The following C4orf36 variants were observed in gnomAD, a reference collection of about 807,000 sequenced individuals.
The protein encoded by C4orf36 is chromosome 4 open reading frame 36, also known as uncharacterized protein C4orf36.
In C4orf36, 11 loss-of-function variants were observed where a neutral mutation model predicts 12.2. The ratio of observed to expected loss-of-function variants is 0.90; its 90% CI spans 0.57 to 1.49. The LOEUF (loss-of-function observed/expected upper bound fraction) is 1.49, where lower values mean the gene tolerates loss of function less well. Among genes scored for constraint, C4orf36 ranks in the 40% most tolerant of loss-of-function variants. The pLI, the probability that C4orf36 is intolerant of heterozygous loss-of-function variation, is 0.00. For missense variants in C4orf36, 137 were observed against 133.9 expected, an observed-to-expected ratio of 1.02 and a Z score of -0.11; for synonymous variants, 54 against 51.3, an observed-to-expected ratio of 1.05 and a Z score of -0.22.
At chr4:86,919,766 G>A in the C4orf36 span, among the ~76,000 whole-genome samples, 1 of 152,110 alleles carries the variant, frequency 6.6e-6, no homozygotes, top group African/African-American at 2.4e-5. Flanking sequence ...TGGGTGTGGT[G>A]GCTAACAACT....
intron 2 of C4orf36, among the ~76,000 whole-genome samples, chr4:86,889,667 G>A (rs1487385895): frequency 6.6e-6 from 1 of 151,870 alleles, no homozygotes; most frequent in Non-Finnish European, 1.5e-5. Context: ...ACTTTGGGAG[G>A]CAGAGGCAGA....
chr4:86,921,399 T>C, the C4orf36 span, among the ~76,000 whole-genome samples: 1 of 152,200 alleles, frequency 6.6e-6, no homozygotes, highest in Non-Finnish European at 1.5e-5. Context: ...CAGAAGGTCA[T>C]AAATATCAAC....
chr4:86,885,252 G>C lies in C4orf36; in HGVS notation c.*2+2506C>G, dbSNP rs11930589. ...CTGTGAAGAAAGTCATTGGTAGCTT[G>C]ATGGGGATGGCATTGAATCTATAAA... On this transcript the variant is annotated intron_variant, in intron 4 of 4. Transcript: ENST00000295898. 2.5e-3 allele frequency among the ~76,000 whole-genome samples: 383 copies of C among 152,298 alleles called. 7 individuals carry two copies. The highest frequency in any genetic ancestry group is 8.8e-3 in the African/African-American group (364 of 41,562).
At chr4:86,893,625 A>T (rs556488633), upstream of C4orf36, among the ~76,000 whole-genome samples, 12 of 151,826 alleles carry the variant, frequency 7.9e-5, no homozygotes, top group South Asian at 2.5e-3. Context: ...TCCATCTGAC[A>T]AGCAACTTCT....
chr4:86,903,230 G>A, the C4orf36 span, among the ~76,000 whole-genome samples: 1 of 152,230 alleles, frequency 6.6e-6, no homozygotes. Context: ...TAAGTGGCCA[G>A]GCCCGGTGGC....
At chr4:86,918,574 A>C in the C4orf36 span, among the ~76,000 whole-genome samples, 144,867 of 152,270 alleles carry the variant, frequency 0.95, 69,215 homozygotes, top group Non-Finnish European at 1. Context: ...GATGAGGATA[A>C]CACCTGACCA....
chr4:86,921,424 C>G, the C4orf36 span, among the ~76,000 whole-genome samples: 2 of 152,256 alleles, frequency 1.3e-5, no homozygotes, highest in South Asian at 4.1e-4. Context: ...GTCTCGTCAT[C>G]AGTTAAAAAA....
At chr4:86,905,379 GAAATAAAT>G in the C4orf36 span, among the ~76,000 whole-genome samples, 1 of 150,902 alleles carries the variant, frequency 6.6e-6, no homozygotes, top group South Asian at 2.1e-4. Context: ...ACTCCATCTC[GAAATAAAT>G]AAATAAATAA....
At chr4:86,887,635 G>C in intron 4 of C4orf36, 123 bp downstream of exon 4, 1 of 1,150,414 alleles carries the variant, frequency 8.7e-7, no homozygotes, top group South Asian at 1.5e-5. Flanking sequence ...ACAGCTGTGG[G>C]CAGTGGCCCA....
the C4orf36 span, chr4:86,934,455 T>A: frequency 6.6e-6 from 1 of 152,198 alleles, no homozygotes; most frequent in African/African-American, 2.4e-5. Context: ...CCATGCCACT[T>A]AGTAGCCTGT....
At chr4:86,922,307 A>C in the C4orf36 span, among the ~76,000 whole-genome samples, 1 of 152,260 alleles carries the variant, frequency 6.6e-6, no homozygotes, top group African/African-American at 2.4e-5. Flanking sequence ...AGGAAAAGAA[A>C]ACCAGGGAGT....
At chr4:86,882,600 C>T (rs192043469) in intron 4 of C4orf36, among the ~76,000 whole-genome samples, 6 of 152,304 alleles carry the variant, frequency 3.9e-5, no homozygotes, top group Non-Finnish European at 7.3e-5. Context: ...ACTAACCTTA[C>T]AAACCTTCTT....
chr4:86,894,338 C>CGT (rs942077135), upstream of C4orf36, among the ~76,000 whole-genome samples: 2 of 152,052 alleles, frequency 1.3e-5, no homozygotes, highest in African/African-American at 4.8e-5. Context: ...TATACACATA[C>CGT]GTGTGTGTGT....
At chr4:86,877,655 G>A (rs1746957988) in intron 4 of C4orf36, among the ~76,000 whole-genome samples, 9 of 152,144 alleles carry the variant, frequency 5.9e-5, no homozygotes. Flanking sequence ...CTGACACAAA[G>A]TGCTCTTCAT....
chr4:86,881,080 G>C (rs1166930030), intron 4 of C4orf36, among the ~76,000 whole-genome samples: 3 of 150,464 alleles, frequency 2.0e-5, no homozygotes, highest in African/African-American at 7.3e-5. Flanking sequence ...AAATTCTATA[G>C]TATTGTAAGT....
At chr4:86,882,211 G>T (rs967389091) in intron 4 of C4orf36, among the ~76,000 whole-genome samples, 7 of 152,162 alleles carry the variant, frequency 4.6e-5, no homozygotes, top group African/African-American at 1.7e-4. Flanking sequence ...CTGGAAGCAG[G>T]ACTCTTCTCT....
the C4orf36 span, chr4:86,913,587 T>A: frequency 1.5e-6 from 2 of 1,308,968 alleles, no homozygotes; most frequent in Admixed American, 1.8e-5. Context: ...ACCACTCTGT[T>A]CTCTGAGACA....
At chr4:86,889,414 C>A (rs1747307024) in intron 2 of C4orf36, among the ~76,000 whole-genome samples, 1 of 150,798 alleles carries the variant, frequency 6.6e-6, no homozygotes, top group African/African-American at 2.4e-5. Context: ...ATTAAACAAA[C>A]TGTAGTACAA....
the C4orf36 span, among the ~76,000 whole-genome samples, chr4:86,923,942 T>G: frequency 1.3e-5 from 2 of 152,162 alleles, no homozygotes; most frequent in African/African-American, 4.8e-5. Context: ...TTCTAGGAAT[T>G]TAGTTCTGAG....
Sources: gnomAD v4.1 joint callset for allele counts (sites outside exome capture counted in the v4.1 genomes callset) on GRCh38, gnomAD v4.1.1 for gene constraint, MANE v1.5 for transcripts, NCBI Gene and HGNC (gene_info 2026-07-23, HGNC 2026-07-21) for gene names.